BUD13: variants seen among roughly 807,000 people sequenced by gnomAD.
The protein encoded by BUD13 is BUD13 spliceosome associated protein, also known as BUD13 homolog.
BUD13 carries 47 observed loss-of-function variants against 62.5 expected under a neutral mutation model. The observed-to-expected ratio is 0.75, with a 90% CI of 0.60 to 0.96. BUD13 has a LOEUF of 0.96. Among genes scored for constraint, BUD13 ranks in the 40% least tolerant of loss-of-function variants. BUD13 has a pLI of 0.00. For missense variants in BUD13, 821 were observed against 790.9 expected, an observed-to-expected ratio of 1.04 and a Z score of -0.46; for synonymous variants, 293 against 280.1, an observed-to-expected ratio of 1.05 and a Z score of -0.46.
intron 9 of BUD13, among the ~76,000 whole-genome samples, chr11:116,754,886 G>A (rs1940298537): frequency 6.6e-6 from 1 of 152,162 alleles, no homozygotes; most frequent in South Asian, 2.1e-4. Context: ...TTACCTGAAG[G>A]AAAACAACTG....
intron 9 of BUD13, among the ~76,000 whole-genome samples, chr11:116,749,682 G>C (rs1940200010): frequency 6.6e-6 from 1 of 152,202 alleles, no homozygotes; most frequent in African/African-American, 2.4e-5. Context: ...TGCATAATGA[G>C]CTGCGTAGGC....
At chr11:116,768,377 C>T (rs1940567663) in intron 2 of BUD13, among the ~76,000 whole-genome samples, 1 of 152,044 alleles carries the variant, frequency 6.6e-6, no homozygotes, top group African/African-American at 2.4e-5. Context: ...GACTCCAAAA[C>T]CCTATGTACA....
intron 9 of BUD13, among the ~76,000 whole-genome samples, chr11:116,750,398 T>C (rs1303415481): frequency 6.6e-6 from 1 of 152,240 alleles, no homozygotes; most frequent in Non-Finnish European, 1.5e-5. Context: ...TATTCACTAT[T>C]TGTTTCCTCA....
Position 116,763,013 on chromosome 11 carries a change from C to T in BUD13, c.576G>A (p.Arg192=), listed in dbSNP as rs534649171. 2.0e-5 allele frequency: 33 copies of T among 1,613,612 alleles called. No individual in the cohort carries two copies. Among genetic ancestry groups the T allele is most frequent in the South Asian group, 2.0e-4 (18 of 91,048 alleles). ...HDSSDTSPPR[R]ARHDSPDPSP... ...AAGGATCTGGAGAATCATGACGGGC[C>T]CTCCTTGGGGGTGAAGTGTCTGAGG... Residue 192 remains arginine (R), a synonymous_variant, in exon 4 of 10, where the codon AGG becomes AGA. Transcript: ENST00000260210.
At chr11:116,757,115 G>A (rs768289676) in intron 9 of BUD13, 31 bp downstream of exon 9, 39 of 1,599,216 alleles carry the variant, frequency 2.4e-5, no homozygotes, top group Non-Finnish European at 3.2e-5. Flanking sequence ...GTTACAGTCA[G>A]GTAGAAAATG....
Position 116,763,070 on chromosome 11 carries a change from G to C in BUD13, c.519C>G (p.Asp173Glu). The C allele has an allele frequency of 6.2e-7, 1 of 1,612,504 alleles. No homozygotes were observed. The highest frequency in any genetic ancestry group is 1.7e-5 in the Admixed American group (1 of 59,890). Residue 173 changes from aspartate (D) to glutamate (E), a missense_variant, in exon 4 of 10, where the codon GAC becomes GAG. Physicochemically the swap from Asp to Glu is conservative, Grantham distance 45. Transcript: ENST00000260210. The part of the protein sequence containing the change: ...SPLRGARHDS[D>E]TSPPRRIRHD... The stretch of plus-strand genomic sequence containing the variant: ...GACGGATCCTCCTGGGAGGAGATGT[G>C]TCTGAGTCATGACGAGCCCCTCTGA...
intron 1 of BUD13, 39 bp downstream of exon 1, chr11:116,772,783 T>C: frequency 2.0e-6 from 3 of 1,490,640 alleles, no homozygotes; most frequent in African/African-American, 2.9e-5. Context: ...AAGGGGTGGC[T>C]AGACGTCGCA....
At chr11:116,772,701 A>C in intron 1 of BUD13, 121 bp downstream of exon 1, 1 of 1,317,602 alleles carries the variant, frequency 7.6e-7, no homozygotes. Context: ...GAGCATGAGC[A>C]GGGGTCGGCG....
intron 3 of BUD13, among the ~76,000 whole-genome samples, chr11:116,764,180 T>C (rs1166519407): frequency 6.6e-6 from 1 of 152,254 alleles, no homozygotes; most frequent in Non-Finnish European, 1.5e-5. Context: ...GAAATATCTA[T>C]AGCAACTGGA....
rs182082869 is a variant in BUD13 at position 116,758,184 on chromosome 11, A to G, written c.1499+85T>C. ...TACTGATAACAGCTCTGAAGGCATAATAAGAAAGTGAGTGATCAGAAGAGC... is the reference window on the plus strand; with the variant it reads ...TACTGATAACAGCTCTGAAGGCATAGTAAGAAAGTGAGTGATCAGAAGAGC... On this transcript the variant is annotated intron_variant, in intron 7 of 9. Coordinates refer to ENST00000260210, the MANE Select transcript of BUD13 (RefSeq NM_032725.4). 9 of 1,565,626 alleles carry G rather than the reference A, an allele frequency of 5.7e-6. No individual in the cohort carries two copies. In the Admixed American group the frequency reaches 1.3e-4, roughly 23 times the overall value.
intron 9 of BUD13, among the ~76,000 whole-genome samples, chr11:116,756,287 G>A (rs538754948): frequency 2.0e-5 from 3 of 152,102 alleles, no homozygotes; most frequent in South Asian, 2.1e-4. Context: ...TGAAGTGGGC[G>A]GGTCACCTGA....
intron 2 of BUD13, among the ~76,000 whole-genome samples, chr11:116,765,904 CA>C (rs1356920572): frequency 7.2e-5 from 11 of 151,954 alleles, no homozygotes; most frequent in Non-Finnish European, 1.6e-4. Flanking sequence ...TGAATACAAC[CA>C]AAAAGAGCCA....
chr11:116,768,770 G>A (rs554500193), intron 2 of BUD13, among the ~76,000 whole-genome samples: 15 of 152,026 alleles, frequency 9.9e-5, no homozygotes, highest in African/African-American at 3.6e-4. Context: ...TCAGGAGGCC[G>A]AGGTGGGCGG....
chr11:116,757,795 T>C lies in BUD13; in HGVS notation c.1655A>G (p.Asn552Ser), dbSNP rs1033088920. The C allele has an allele frequency of 1.3e-5, 21 of 1,613,710 alleles. No individual in the cohort carries two copies. The highest frequency in any genetic ancestry group is 3.3e-4 in the Middle Eastern group (2 of 6,062). The change falls in exon 8 of 10, where the codon AAT (asparagine) becomes AGT (serine). Residue 552 changes from asparagine to serine, a missense_variant. Asn to Ser is a conservative substitution (Grantham distance 46). Around this residue, in one of 2 missense-constraint regions of BUD13, gnomAD observed 800 missense variants for 739.2 expected, o/e 1.08. Transcript: ENST00000260210. ...TTTATTCTTGTTCTCCTTGGCCTTATTCTTCTTGATGAAGTTGGCCATAGG... is the reference window on the plus strand; with the variant it reads ...TTTATTCTTGTTCTCCTTGGCCTTACTCTTCTTGATGAAGTTGGCCATAGG... ...GDPMANFIKK[N>S]KAKENKNKKV...
At chr11:116,758,903 TTTC>T (rs2134176326) in intron 6 of BUD13, among the ~76,000 whole-genome samples, 168 bp downstream of exon 6, 1 of 152,246 alleles carries the variant, frequency 6.6e-6, no homozygotes, top group South Asian at 2.1e-4. Flanking sequence ...AAATGGCATT[TTTC>T]AAGAAGGAAA....
Position 116,757,920 on chromosome 11 carries a change from A to G in BUD13, c.1530T>C (p.Asn510=), listed in dbSNP as rs776476289. Residue 510 remains asparagine, a synonymous_variant, in exon 8 of 10, where the codon AAT becomes AAC. Transcript: ENST00000260210. ...GCATCTCTTTCATTGCATCCTCCACATTTTGTTGCTGTTGCCGGCTCTGGG... is the reference window on the plus strand; with the variant it reads ...GCATCTCTTTCATTGCATCCTCCACGTTTTGTTGCTGTTGCCGGCTCTGGG... ...GLAQSRQQQQ[N]VEDAMKEMQK... The G allele has an allele frequency of 2.5e-6, 4 of 1,613,914 alleles. No individual in the cohort carries two copies. The highest frequency in any genetic ancestry group is 2.7e-5 in the African/African-American group (2 of 74,878).
At chr11:116,749,971 T>G (rs1481237389) in intron 9 of BUD13, among the ~76,000 whole-genome samples, 1 of 152,306 alleles carries the variant, frequency 6.6e-6, no homozygotes, top group Admixed American at 6.5e-5. Flanking sequence ...AGGCTTACAG[T>G]AGAAGCTGAT....
intron 2 of BUD13, among the ~76,000 whole-genome samples, chr11:116,767,437 C>A (rs1940549990): frequency 6.7e-6 from 1 of 149,106 alleles, no homozygotes; most frequent in South Asian, 2.1e-4. Context: ...ACTAAAAATA[C>A]AAAAAATTAG....
rs1029876263 is a variant in BUD13, at chr11:116,765,418, T to G, written c.266A>C (p.Glu89Ala). 1.4e-5 allele frequency: 23 copies of G among 1,614,172 alleles called. No individual in the cohort carries two copies. The highest frequency in any genetic ancestry group is 1.9e-5 in the Non-Finnish European group (22 of 1,180,022). ...AAAGGCCTCCATCTGCTTTACCTCT[T>G]CTGGCCGCTCATCCACAAACTCTGC... ...VVAEFVDERP[E>A]EVKQMEAFRS... Residue 89 changes from glutamate (E) to alanine (A), a missense_variant, in exon 3 of 10, where the codon GAA (glutamate) becomes GCA (alanine). Transcript: ENST00000260210.
Sources: gnomAD v4.1 joint callset for allele counts (sites outside exome capture counted in the v4.1 genomes callset) on GRCh38, gnomAD v4.1.1 for gene constraint, gnomAD v4.1.1 regional missense constraint, MANE v1.5 for transcripts, NCBI Gene and HGNC (gene_info 2026-07-23, HGNC 2026-07-21) for gene names.